The following MRAS variants were observed in gnomAD, a reference collection of about 807,000 sequenced individuals.
The protein encoded by MRAS is muscle RAS oncogene homolog, also known as ras-related protein M-Ras.
Under a neutral mutation model 20.9 loss-of-function variants are expected in MRAS, and 4 were observed. The ratio of observed to expected loss-of-function variants is 0.19; its 90% CI spans 0.09 to 0.44. MRAS has a LOEUF of 0.44. MRAS is among the 20% of genes least tolerant of loss of function. MRAS has a pLI of 0.99. For synonymous variants in MRAS, 98 were observed against 102.9 expected (o/e 0.95, Z 0.29); for missense variants, 154 against 277.5 (o/e 0.56, Z 3.16).
intron 2 of MRAS, among the ~76,000 whole-genome samples, chr3:138,381,558 C>T (rs2054905117): frequency 6.6e-6 from 1 of 152,368 alleles, no homozygotes; most frequent in Non-Finnish European, 1.5e-5. Context: ...CGCCCTCTGC[C>T]CAGCCAGCCT....
At chr3:138,352,548 C>A (rs1576335293) in intron 1 of MRAS, among the ~76,000 whole-genome samples, 2 of 151,912 alleles carry the variant, frequency 1.3e-5, no homozygotes, top group African/African-American at 4.8e-5. Context: ...TATTTTGCTT[C>A]TTAATGTCCC....
At chr3:138,375,780 G>T (rs1309983065) in intron 2 of MRAS, among the ~76,000 whole-genome samples, 1 of 152,136 alleles carries the variant, frequency 6.6e-6, no homozygotes, top group Non-Finnish European at 1.5e-5. Flanking sequence ...CCAACACTTT[G>T]GGAGGCTGAG....
At chr3:138,383,546 T>G (rs1172565060) in intron 2 of MRAS, among the ~76,000 whole-genome samples, 1 of 152,132 alleles carries the variant, frequency 6.6e-6, no homozygotes, top group Non-Finnish European at 1.5e-5. Flanking sequence ...TCCCATCACC[T>G]GTATGGATGA....
intron 2 of MRAS, among the ~76,000 whole-genome samples, chr3:138,375,679 A>T (rs1271748454): frequency 6.6e-6 from 1 of 152,026 alleles, no homozygotes; most frequent in African/African-American, 2.4e-5. Flanking sequence ...GGTCCCTGTC[A>T]CTCCATCTTG....
At chr3:138,374,054 G>C (rs141863030) in intron 2 of MRAS, among the ~76,000 whole-genome samples, 1 of 152,034 alleles carries the variant, frequency 6.6e-6, no homozygotes, top group Non-Finnish European at 1.5e-5. Context: ...CGCCTCTCGG[G>C]TTCAAGCAAA....
chr3:138,360,289 C>T (rs937812599), intron 1 of MRAS, among the ~76,000 whole-genome samples: 2 of 152,224 alleles, frequency 1.3e-5, no homozygotes, highest in African/African-American at 2.4e-5. Context: ...GGATGCCTGG[C>T]CCTGGGATCC....
intron 1 of MRAS, among the ~76,000 whole-genome samples, chr3:138,353,064 C>T (rs776875798): frequency 1.2e-4 from 19 of 152,132 alleles, no homozygotes; most frequent in Admixed American, 2.0e-4. Flanking sequence ...TGTATTAAGT[C>T]GAGTCACACC....
chr3:138,352,913 G>A (rs1435955596), intron 1 of MRAS, among the ~76,000 whole-genome samples: 1 of 152,212 alleles, frequency 6.6e-6, no homozygotes, highest in East Asian at 1.9e-4. Flanking sequence ...CCAGCCCTCA[G>A]TGTCGTCATG....
At chr3:138,351,989 C>T (rs2054237605) in intron 1 of MRAS, among the ~76,000 whole-genome samples, 1 of 152,216 alleles carries the variant, frequency 6.6e-6, no homozygotes, top group African/African-American at 2.4e-5. Flanking sequence ...ATTCTGTAAG[C>T]CCATTGTGCA....
At chr3:138,361,538 G>A (rs2054447506) in intron 1 of MRAS, among the ~76,000 whole-genome samples, 1 of 152,198 alleles carries the variant, frequency 6.6e-6, no homozygotes, top group Admixed American at 6.5e-5. Flanking sequence ...GGGCAGAGAG[G>A]TGGGCAAAGG....
intron 1 of MRAS, among the ~76,000 whole-genome samples, chr3:138,355,459 C>A (rs908678060): frequency 6.6e-6 from 1 of 152,200 alleles, no homozygotes; most frequent in Admixed American, 6.5e-5. Context: ...CAGAAAGATT[C>A]AAAAACTTCT....
At chr3:138,360,729 T>A (rs2054429721) in intron 1 of MRAS, among the ~76,000 whole-genome samples, 1 of 152,216 alleles carries the variant, frequency 6.6e-6, no homozygotes, top group South Asian at 2.1e-4. Context: ...CCCAGCCAGC[T>A]GCCAGTATCA....
At chr3:138,371,105 T>C (rs2054665473) in intron 1 of MRAS, among the ~76,000 whole-genome samples, 1 of 152,228 alleles carries the variant, frequency 6.6e-6, no homozygotes, top group South Asian at 2.1e-4. Context: ...AATTCTCACA[T>C]GGGGTAGAGC....
intron 2 of MRAS, among the ~76,000 whole-genome samples, chr3:138,377,029 T>G (rs957384343): frequency 2.0e-5 from 3 of 152,242 alleles, no homozygotes; most frequent in Admixed American, 2.0e-4. Context: ...GGAAAAATGT[T>G]TTCCTCAAGA....
rs545081765 is a variant in MRAS, at chr3:138,361,725, G to T, written c.-18-11141G>T. 4.3e-4 allele frequency among the ~76,000 whole-genome samples: 65 copies of T among 152,290 alleles called. 1 individual carries two copies. The highest frequency in any genetic ancestry group is 3.7e-3 in the Admixed American group (57 of 15,304). On this transcript the variant is annotated intron_variant, in intron 1 of 5. Transcript: ENST00000423968. ...GCCAGGCTCTGGGGAGGCCAAGGGC[G>T]CTCAGTCTGGGGAACCCCAGAGTGT...
chr3:138,387,272 C>T (rs2055036628), intron 2 of MRAS, among the ~76,000 whole-genome samples: 1 of 152,228 alleles, frequency 6.6e-6, no homozygotes, highest in Non-Finnish European at 1.5e-5. Flanking sequence ...CATGGCTGCC[C>T]AGGCGCAGGT....
intron 1 of MRAS, among the ~76,000 whole-genome samples, chr3:138,351,428 TA>T (rs1377431941): frequency 6.6e-6 from 1 of 151,922 alleles, no homozygotes; most frequent in African/African-American, 2.4e-5. Flanking sequence ...TGGAGACAGG[TA>T]AAAAAGGAGC....
intron 1 of MRAS, among the ~76,000 whole-genome samples, chr3:138,358,315 C>T (rs934141886): frequency 5.1e-5 from 7 of 138,442 alleles, no homozygotes; most frequent in South Asian, 2.5e-4. Context: ...CCAGCCTGGG[C>T]GACAGAACAA....
intron 1 of MRAS, among the ~76,000 whole-genome samples, chr3:138,365,615 G>T (rs1288057443): frequency 6.6e-6 from 1 of 152,226 alleles, no homozygotes; most frequent in Non-Finnish European, 1.5e-5. Context: ...GGGTAATAGA[G>T]ATCTCCAGAC....
Sources: gnomAD v4.1 joint callset for allele counts (sites outside exome capture counted in the v4.1 genomes callset) on GRCh38, gnomAD v4.1.1 for gene constraint, MANE v1.5 for transcripts, NCBI Gene and HGNC (gene_info 2026-07-23, HGNC 2026-07-21) for gene names.